CXXC5: variants seen among roughly 807,000 people sequenced by gnomAD.
CXXC5 encodes CXXC-type zinc finger protein 5.
In CXXC5, 2 loss-of-function variants were observed where a neutral mutation model predicts 17.6. The observed-to-expected ratio is 0.11, with a 90% CI of 0.05 to 0.36. CXXC5 has a LOEUF of 0.36. CXXC5 is among the 10% of genes least tolerant of loss of function. CXXC5 has a pLI of 1.00. For missense variants in CXXC5, 343 were observed against 458.3 expected, an observed-to-expected ratio of 0.75 and a Z score of 2.30; for synonymous variants, 171 against 193.0, an observed-to-expected ratio of 0.89 and a Z score of 0.94.
chr5:139,660,534 C>T (rs1004631594), intron 1 of CXXC5, among the ~76,000 whole-genome samples: 1 of 152,184 alleles, frequency 6.6e-6, no homozygotes. Flanking sequence ...CCAACCCAGT[C>T]ACCTTTGTGG....
intron 1 of CXXC5, among the ~76,000 whole-genome samples, chr5:139,655,721 AC>A (rs1755454835): frequency 7.8e-6 from 1 of 128,724 alleles, no homozygotes; most frequent in Non-Finnish European, 1.7e-5. Context: ...CTGCCTGTCC[AC>A]CCCCCAACCA....
chr5:139,650,854 A>G (rs1755131513), intron 1 of CXXC5: 1 of 151,840 alleles, frequency 6.6e-6, no homozygotes, highest in African/African-American at 2.4e-5. Context: ...CGTATTGTTG[A>G]TTTAGCAGTT....
Position 139,663,917 on chromosome 5 carries a change from C to T in CXXC5, c.-161+15072C>T, listed in dbSNP as rs1162272874. On this transcript the variant is annotated intron_variant, in intron 1 of 2. Transcript: ENST00000302517. The surrounding 1 kb of genome is among the most constrained non-coding windows in gnomAD (Gnocchi z 4.2). ...CGAGGGTCAGCAACCTGTCTGAGGT[C>T]ACCTAGGCTGGAGGCTGCAGAGCTA... Among the ~76,000 whole-genome samples the T allele has an allele frequency of 1.3e-5, 2 of 152,184 alleles. No individual in the cohort carries two copies. The highest frequency in any genetic ancestry group is 6.5e-5 in the Admixed American group (1 of 15,276).
chr5:139,659,252 C>G (rs1755646262), intron 1 of CXXC5, among the ~76,000 whole-genome samples: 2 of 151,994 alleles, frequency 1.3e-5, no homozygotes, highest in African/African-American at 4.8e-5. Flanking sequence ...CGGGGAAGGA[C>G]TGAGGTGGGG....
chr5:139,682,680 C>G (rs536549629), intron 2 of CXXC5, among the ~76,000 whole-genome samples, 183 bp from the exon 3 acceptor site: 1 of 152,220 alleles, frequency 6.6e-6, no homozygotes, highest in East Asian at 1.9e-4. Context: ...GGCCTTCCAG[C>G]AGCCCAGCAG....
chr5:139,666,102 A>T lies in CXXC5; in HGVS notation c.-160-14262A>T, dbSNP rs562210846. On this transcript the variant is annotated intron_variant, in intron 1 of 2. Coordinates refer to ENST00000302517, the MANE Select transcript of CXXC5 (RefSeq NM_016463.9). ...GGCCAGTGTGCAGATGAAGCCACTG[A>T]GGCTCAGAGAGGGTGGGCCTTGCCC... is the stretch of plus-strand genomic sequence containing the variant. Among the ~76,000 whole-genome samples, 8 of 152,318 alleles carry T rather than the reference A, an allele frequency of 5.3e-5. No individual in the cohort carries two copies. The East Asian group carries it at 1.5e-3, about 29-fold the overall frequency.
In CXXC5 at chr5:139,654,614, C is replaced by T. The variant is rs571864603; in HGVS notation, c.-161+5769C>T. On this transcript the variant is annotated intron_variant, in intron 1 of 2. Transcript: ENST00000302517. ...ACCTCGCACTTCTGTCTCCATTCAG[C>T]TGATTACCAGGTGTGTGACCGTGGG... Among the ~76,000 whole-genome samples, 4 of 152,328 alleles carry T rather than the reference C, an allele frequency of 2.6e-5. No homozygotes were observed. The South Asian group carries it at 8.3e-4, about 32-fold the overall frequency.
At chr5:139,666,828 CTG>C (rs1417244666) in intron 1 of CXXC5, among the ~76,000 whole-genome samples, 1 of 152,202 alleles carries the variant, frequency 6.6e-6, no homozygotes, top group South Asian at 2.1e-4. Context: ...CTGACTGAGA[CTG>C]TGCTGTGGCT....
intron 1 of CXXC5, among the ~76,000 whole-genome samples, chr5:139,671,680 C>CTT (rs746987723): frequency 3.9e-5 from 6 of 152,248 alleles, no homozygotes; most frequent in Non-Finnish European, 8.8e-5. Context: ...CCCGCAGCCC[C>CTT]TTCCCCATCT....
intron 1 of CXXC5, among the ~76,000 whole-genome samples, chr5:139,671,521 G>T (rs1756469279): frequency 6.6e-6 from 1 of 152,240 alleles, no homozygotes; most frequent in Non-Finnish European, 1.5e-5. Flanking sequence ...GGCGGGTTGG[G>T]GCAGGCACAA....
chr5:139,648,412 T>A lies in CXXC5; in HGVS notation c.-594T>A, dbSNP rs927891267. On this transcript the variant is annotated 5_prime_UTR_variant, in exon 1 of 3. Coordinates refer to ENST00000302517, the MANE Select transcript of CXXC5 (RefSeq NM_016463.9). ...GAGGCGGCGGCAGCAGAGGCGGCACTGGCGGCAAGAGCAGACGCCCGAGCC... is the reference window on the plus strand; with the variant it reads ...GAGGCGGCGGCAGCAGAGGCGGCACAGGCGGCAAGAGCAGACGCCCGAGCC... 6.4e-6 allele frequency: 1 copy of A among 156,402 alleles called. No individual in the cohort carries two copies. The highest frequency in any genetic ancestry group is 1.4e-5 in the Non-Finnish European group (1 of 71,266). The allele number at this position is 156,402 out of a possible 1,614,324, so 9.7% of individuals were successfully genotyped here.
Position 139,670,465 on chromosome 5 carries a change from T to C in CXXC5, c.-160-9899T>C, listed in dbSNP as rs1756398576. ...GTGCACCTGTGGGCAGCTTCCTGTTTCCATAGGGGCCCTAGCAGCTGGCAC... is the reference window on the plus strand; with the variant it reads ...GTGCACCTGTGGGCAGCTTCCTGTTCCCATAGGGGCCCTAGCAGCTGGCAC... On this transcript the variant is annotated intron_variant, in intron 1 of 2. Transcript: ENST00000302517. This position sits in a 1 kb window ranked among gnomAD's most constrained non-coding sequence, Gnocchi z 4.2. Among the ~76,000 whole-genome samples, 1 of 152,100 alleles carries C rather than the reference T, an allele frequency of 6.6e-6. No homozygotes were observed. Among genetic ancestry groups the C allele is most frequent in the Non-Finnish European group, 1.5e-5 (1 of 68,002 alleles).
chr5:139,668,713 C>A lies in CXXC5; in HGVS notation c.-160-11651C>A, dbSNP rs957564218. Among the ~76,000 whole-genome samples, 1 of 152,128 alleles carries A rather than the reference C, an allele frequency of 6.6e-6. No homozygotes were observed. Among genetic ancestry groups the A allele is most frequent in the African/African-American group, 2.4e-5 (1 of 41,422 alleles). On this transcript the variant is annotated intron_variant, in intron 1 of 2. Coordinates refer to ENST00000302517, the MANE Select transcript of CXXC5 (RefSeq NM_016463.9). The surrounding 1 kb of genome is among the most constrained non-coding windows in gnomAD (Gnocchi z 4.1). ...CTGGCTTGGAGGCTCTCTTCAGTCTCGGGAGAGATATGCTTATCCCAGGCG... is the reference window on the plus strand; with the variant it reads ...CTGGCTTGGAGGCTCTCTTCAGTCTAGGGAGAGATATGCTTATCCCAGGCG...
intron 1 of CXXC5, among the ~76,000 whole-genome samples, chr5:139,671,203 G>T (rs1378963349): frequency 6.6e-6 from 1 of 152,234 alleles, no homozygotes; most frequent in Non-Finnish European, 1.5e-5. Flanking sequence ...GGGGCGGGGG[G>T]TTCCAGGTGT....
chr5:139,668,333 G>A lies in CXXC5; in HGVS notation c.-160-12031G>A, dbSNP rs185224823. ...TTCCCAGGCTGCCCGTCCCGCCGCG[G>A]CTCAGGGCGCCTCCCGGCTCCCTGC... On this transcript the variant is annotated intron_variant, in intron 1 of 2. Transcript: ENST00000302517. This position sits in a 1 kb window ranked among gnomAD's most constrained non-coding sequence, Gnocchi z 4.1. Among the ~76,000 whole-genome samples the A allele has an allele frequency of 5.9e-4, 90 of 152,144 alleles. No homozygotes were observed. Among genetic ancestry groups the A allele is most frequent in the African/African-American group, 1.7e-3 (70 of 41,528 alleles).
rs1214893828 is a variant in CXXC5 at position 139,658,100 on chromosome 5, C to G, written c.-161+9255C>G. On this transcript the variant is annotated intron_variant, in intron 1 of 2. Transcript: ENST00000302517. This position sits in a 1 kb window ranked among gnomAD's most constrained non-coding sequence, Gnocchi z 4.1. ...TCCTGTTGACTCTGATGGGAGAGAC[C>G]CAGCCCCTCTCCTGCCTGACCCACC... Among the ~76,000 whole-genome samples the G allele has an allele frequency of 6.6e-6, 1 of 152,106 alleles. No homozygotes were observed. The highest frequency in any genetic ancestry group is 2.4e-5 in the African/African-American group (1 of 41,378).
At chr5:139,674,740 C>T (rs769426164) in intron 1 of CXXC5, among the ~76,000 whole-genome samples, 3 of 152,180 alleles carry the variant, frequency 2.0e-5, no homozygotes, top group Admixed American at 1.3e-4. Flanking sequence ...GCCAGCCAGG[C>T]GCAGTGGCTC....
At chr5:139,674,075 T>G (rs907050320) in intron 1 of CXXC5, among the ~76,000 whole-genome samples, 4 of 152,164 alleles carry the variant, frequency 2.6e-5, no homozygotes, top group Non-Finnish European at 4.4e-5. Flanking sequence ...GGCCACCCTC[T>G]GGGTGCTCGC....
chr5:139,670,042 G>A lies in CXXC5; in HGVS notation c.-160-10322G>A, dbSNP rs989258471. On this transcript the variant is annotated intron_variant, in intron 1 of 2. Coordinates refer to ENST00000302517, the MANE Select transcript of CXXC5 (RefSeq NM_016463.9). This position sits in a 1 kb window ranked among gnomAD's most constrained non-coding sequence, Gnocchi z 4.2. Reference sequence around the variant, plus strand: ...GGGGGTTCTGCAGCACTGTGGCGGCGGCTCCTCTCCAGGCGCCCAGCTGTG... The same window carrying A: ...GGGGGTTCTGCAGCACTGTGGCGGCAGCTCCTCTCCAGGCGCCCAGCTGTG... Among the ~76,000 whole-genome samples the A allele has an allele frequency of 3.3e-5, 5 of 152,208 alleles. No individual in the cohort carries two copies. Among genetic ancestry groups the A allele is most frequent in the Admixed American group, 6.5e-5 (1 of 15,286 alleles).
Sources: allele counts gnomAD v4.1 joint callset (sites outside exome capture counted in the v4.1 genomes callset), GRCh38; gene constraint gnomAD v4.1.1; non-coding constraint Gnocchi (gnomAD v3.1); transcripts MANE v1.5; gene names NCBI Gene and HGNC (gene_info 2026-07-23, HGNC 2026-07-21).